The following MSRA variants were observed in gnomAD, a reference collection of about 807,000 sequenced individuals.
The protein encoded by MSRA is mitochondrial peptide methionine sulfoxide reductase.
In MSRA, 54 loss-of-function variants were observed where a neutral mutation model predicts 31.3. The observed-to-expected ratio is 1.73, with a 90% CI of 1.39 to 2.17. MSRA has a LOEUF of 2.17. Among genes scored for constraint, MSRA ranks in the 30% most tolerant of loss-of-function variants. The pLI is 0.00. For synonymous variants in MSRA, 169 were observed against 116.5 expected, an observed-to-expected ratio of 1.45 and a Z score of -2.90; for missense variants, 507 against 300.9, an observed-to-expected ratio of 1.69 and a Z score of -5.07.
At position 10,054,653 on chromosome 8, in the gene MSRA, T is replaced by C. The variant is rs764165188; in HGVS notation, c.137T>C (p.Val46Ala). ...CCGGGCCGGAAGGAACAGACCCCTG[T>C]AGCGGGTAAGCACTGGCCACACGGA... ...ALPGRKEQTP[V>A]AAKHHVNGNR... The change falls in exon 1 of 6, where the codon GTA becomes GCA. Residue 46 changes from valine to alanine, a missense_variant. Transcript: ENST00000317173. 21 of 1,563,296 alleles carry C rather than the reference T, an allele frequency of 1.3e-5. No homozygotes were observed. The highest frequency in any genetic ancestry group is 3.7e-5 in the Admixed American group (2 of 54,022).
chr8:10,119,826 T>G (rs956097815), intron 1 of MSRA, among the ~76,000 whole-genome samples: 2 of 152,074 alleles, frequency 1.3e-5, no homozygotes, highest in Admixed American at 6.5e-5. Flanking sequence ...CTGGCAGAAA[T>G]GTACCTAAGA....
intron 1 of MSRA, among the ~76,000 whole-genome samples, chr8:10,155,572 A>T (rs1243583945): frequency 6.6e-6 from 1 of 152,152 alleles, no homozygotes; most frequent in East Asian, 1.9e-4. Flanking sequence ...TTCTCTTTCC[A>T]CTAGAAGAAA....
chr8:10,273,933 A>G lies in MSRA; in HGVS notation c.332-27601A>G, dbSNP rs1486301652. 1.2e-4 allele frequency among the ~76,000 whole-genome samples: 19 copies of G among 152,196 alleles called. 1 individual carries two copies. The highest frequency in any genetic ancestry group is 1.9e-4 in the East Asian group (1 of 5,158). ...TATCCTAAGAGGTCTACCTGAGCCT[A>G]GAGAGAGGCAGCTGCTTTATAGGAG... On this transcript the variant is annotated intron_variant, in intron 3 of 5. Transcript: ENST00000317173.
chr8:10,161,167 C>G (rs984564904), intron 1 of MSRA, among the ~76,000 whole-genome samples: 1 of 152,200 alleles, frequency 6.6e-6, no homozygotes, highest in Admixed American at 6.5e-5. Flanking sequence ...TGGTATAAAT[C>G]TCCTTTGCCG....
chr8:10,377,074 T>C (rs1294929340), intron 5 of MSRA, among the ~76,000 whole-genome samples: 1 of 152,270 alleles, frequency 6.6e-6, no homozygotes, highest in Non-Finnish European at 1.5e-5. Flanking sequence ...TACAAAGTTA[T>C]GCACTAACTT....
At chr8:10,137,465 T>A (rs1057319438) in intron 1 of MSRA, among the ~76,000 whole-genome samples, 1 of 152,206 alleles carries the variant, frequency 6.6e-6, no homozygotes, top group African/African-American at 2.4e-5. Flanking sequence ...ATTTCCTTAT[T>A]CTGTGCCCTG....
chr8:10,120,865 C>T (rs984905812), intron 1 of MSRA, among the ~76,000 whole-genome samples: 2 of 152,120 alleles, frequency 1.3e-5, no homozygotes, highest in Admixed American at 6.6e-5. Flanking sequence ...CACCTGTACA[C>T]GTCCATGATT....
intron 3 of MSRA, among the ~76,000 whole-genome samples, chr8:10,258,798 T>C (rs552938772): frequency 5.3e-5 from 8 of 152,316 alleles, no homozygotes; most frequent in Non-Finnish European, 8.8e-5. Flanking sequence ...GCCAGTTATC[T>C]AAGACCTTTT....
intron 3 of MSRA, among the ~76,000 whole-genome samples, chr8:10,271,058 C>CT (rs1799008978): frequency 7.5e-6 from 1 of 133,940 alleles, no homozygotes; most frequent in African/African-American, 2.7e-5. Flanking sequence ...TGTTTGAGTT[C>CT]TTTCTTCTTT....
intron 3 of MSRA, among the ~76,000 whole-genome samples, chr8:10,282,729 C>T (rs1799688563): frequency 6.6e-6 from 1 of 152,184 alleles, no homozygotes; most frequent in Non-Finnish European, 1.5e-5. Flanking sequence ...AAGTGTCCAA[C>T]ACAGGGCTGC....
intron 5 of MSRA, among the ~76,000 whole-genome samples, chr8:10,364,746 G>C (rs1805059308): frequency 6.6e-6 from 1 of 152,204 alleles, no homozygotes; most frequent in Admixed American, 6.5e-5. Flanking sequence ...AGATGGGCGT[G>C]CCAGATATCA....
intron 1 of MSRA, among the ~76,000 whole-genome samples, chr8:10,203,333 G>T (rs373241182): frequency 6.6e-6 from 1 of 152,130 alleles, no homozygotes; most frequent in Non-Finnish European, 1.5e-5. Context: ...CCTGGCTGGG[G>T]AAACTATTTC....
At chr8:10,219,125 A>C (rs1026092072) in intron 2 of MSRA, among the ~76,000 whole-genome samples, 1 of 152,238 alleles carries the variant, frequency 6.6e-6, no homozygotes, top group South Asian at 2.1e-4. Flanking sequence ...AATGCCTTCA[A>C]ACTGTTGAAA....
chr8:10,157,251 G>T (rs901516362), intron 1 of MSRA, among the ~76,000 whole-genome samples: 2 of 151,904 alleles, frequency 1.3e-5, no homozygotes, highest in African/African-American at 4.8e-5. Flanking sequence ...CTTGATGTAT[G>T]GTATTTGAGT....
At chr8:10,089,881 C>G (rs957779167) in intron 1 of MSRA, among the ~76,000 whole-genome samples, 1 of 152,150 alleles carries the variant, frequency 6.6e-6, no homozygotes, top group East Asian at 1.9e-4. Flanking sequence ...CACTTGATCC[C>G]TTGAGAATGG....
At chr8:10,086,577 A>G (rs1485370985) in intron 1 of MSRA, among the ~76,000 whole-genome samples, 1 of 152,220 alleles carries the variant, frequency 6.6e-6, no homozygotes, top group African/African-American at 2.4e-5. Context: ...CCATAAAGTA[A>G]TACCTATTTT....
At position 10,205,344 on chromosome 8, in the gene MSRA, C is replaced by T. The variant is rs974522986; in HGVS notation, c.143-2489C>T. Among the ~76,000 whole-genome samples, 132 of 151,746 alleles carry T rather than the reference C, an allele frequency of 8.7e-4. 1 individual carries two copies. Among genetic ancestry groups the T allele is most frequent in the Admixed American group, 6.1e-3 (93 of 15,230 alleles). On this transcript the variant is annotated intron_variant, in intron 1 of 5. Coordinates refer to ENST00000317173, the MANE Select transcript of MSRA (RefSeq NM_012331.5). ...CTACAGGTGTCTGGAGGGGGACAGT[C>T]GCTGGCTGTGGTGGCAGATTGGATG...
At chr8:10,334,164 GGGTGTGTGTGTGTGTGTGTATTTATGTGT>G (rs1339835715) in intron 5 of MSRA, among the ~76,000 whole-genome samples, 1 of 133,690 alleles carries the variant, frequency 7.5e-6, no homozygotes, top group African/African-American at 2.7e-5. Context: ...TAACATATAG[GGGTGTGTGTGTGTGTGTGTATTTATGTGT>G]GTGTGTGTGT....
chr8:10,115,835 C>T (rs915202831), intron 1 of MSRA, among the ~76,000 whole-genome samples: 1 of 152,212 alleles, frequency 6.6e-6, no homozygotes, highest in African/African-American at 2.4e-5. Context: ...CACTCAATGA[C>T]TGTTTAATGA....
Sources: gnomAD v4.1 joint callset for allele counts (sites outside exome capture counted in the v4.1 genomes callset) on GRCh38, gnomAD v4.1.1 for gene constraint, MANE v1.5 for transcripts, NCBI Gene and HGNC (gene_info 2026-07-23, HGNC 2026-07-21) for gene names.